Variants in NAALADL2 observed in about 807,000 individuals in gnomAD.
NAALADL2 encodes the protein inactive N-acetylated-alpha-linked acidic dipeptidase-like protein 2.
Under a neutral mutation model 87.2 loss-of-function variants are expected in NAALADL2, and 76 were observed. The ratio of observed to expected loss-of-function variants is 0.87; its 90% CI spans 0.72 to 1.05. The LOEUF is 1.05. Ranked by LOEUF, NAALADL2 falls within the 50% of genes least tolerant of loss-of-function variation. NAALADL2 has a pLI of 0.00. For synonymous variants in NAALADL2, 354 were observed against 331.0 expected (o/e 1.07, Z -0.75); for missense variants, 1,089 against 945.8 (o/e 1.15, Z -1.99).
At chr3:175,439,243 G>A (rs1351644154) in intron 5 of NAALADL2, among the ~76,000 whole-genome samples, 1 of 152,016 alleles carries the variant, frequency 6.6e-6, no homozygotes, top group African/African-American at 2.4e-5. Flanking sequence ...CTCATTGATT[G>A]ATGGGCATTT....
intron 1 of NAALADL2, among the ~76,000 whole-genome samples, chr3:174,974,755 G>A (rs925665470): frequency 2.6e-5 from 4 of 151,946 alleles, no homozygotes; most frequent in African/African-American, 7.3e-5. Context: ...GGCTTTCCTC[G>A]GTCATTGCAG....
chr3:174,883,593 A>T (rs1729697659), intron 1 of NAALADL2, among the ~76,000 whole-genome samples: 1 of 152,228 alleles, frequency 6.6e-6, no homozygotes, highest in Non-Finnish European at 1.5e-5. Context: ...GTACAAGTGT[A>T]TACATGCACA....
intron 1 of NAALADL2, among the ~76,000 whole-genome samples, chr3:175,063,029 T>C (rs536219777): frequency 6.6e-6 from 1 of 152,308 alleles, no homozygotes; most frequent in African/African-American, 2.4e-5. Flanking sequence ...CTTAACATAT[T>C]TTTTTCTACA....
intron 1 of NAALADL2, among the ~76,000 whole-genome samples, chr3:174,944,412 G>C (rs909931510): frequency 1.3e-5 from 2 of 152,132 alleles, no homozygotes; most frequent in African/African-American, 4.8e-5. Flanking sequence ...AGCCCAAATA[G>C]CAAAGATGTT....
chr3:174,797,243 C>A lies in NAALADL2; in HGVS notation c.-9+59497C>A, dbSNP rs1202927033. Among the ~76,000 whole-genome samples the A allele has an allele frequency of 2.6e-5, 4 of 151,506 alleles. No individual in the cohort carries two copies. In the East Asian group the frequency reaches 7.7e-4, roughly 29 times the overall value. On this transcript the variant is annotated intron_variant, in intron 3 of 3. Coordinates refer to the NAALADL2 transcript ENST00000434257. ...TTTCCCCAGGCGGCTTCATCAAAGACCAGTAGGCTCTAAGTATGTGACTTT... is the reference window on the plus strand; with the variant it reads ...TTTCCCCAGGCGGCTTCATCAAAGAACAGTAGGCTCTAAGTATGTGACTTT...
chr3:175,755,359 C>G lies in NAALADL2; in HGVS notation c.2130C>G (p.Asp710Glu). The G allele has an allele frequency of 6.2e-7, 1 of 1,612,148 alleles. No individual in the cohort carries two copies. Among genetic ancestry groups the G allele is most frequent in the Non-Finnish European group, 8.5e-7 (1 of 1,179,032 alleles). The change falls in exon 13 of 14, where the codon GAC becomes GAG. Residue 710 changes from aspartate (D) to glutamate (E), a missense_variant. Asp to Glu is a conservative substitution (Grantham distance 45). Transcript: ENST00000454872. Reference protein sequence around the residue: ...RAPIRIRMLNDILQDMEKSFL... With the variant: ...RAPIRIRMLNEILQDMEKSFL... ...CCATCCGCATCCGGATGCTGAATGA[C>G]ATTCTCCAAGACATGGAGAAAAGCT... is the stretch of plus-strand genomic sequence containing the variant.
Position 174,880,665 on chromosome 3 carries a change from G to T in NAALADL2, c.43+21215G>T, listed in dbSNP as rs116233091. Among the ~76,000 whole-genome samples the T allele has an allele frequency of 5.2e-3, 787 of 152,022 alleles. 6 individuals carry two copies. Among genetic ancestry groups the T allele is most frequent in the African/African-American group, 0.018 (731 of 41,484 alleles). ...CTCCGCCTAGATTATCCTTCTCATA[G>T]GTCTGCTTTTGGCTTTACTCCTTCA... On this transcript the variant is annotated intron_variant, in intron 1 of 13. Coordinates refer to ENST00000454872, the MANE Select transcript of NAALADL2 (RefSeq NM_207015.3).
chr3:174,734,227 A>G (rs952207515), intron 2 of NAALADL2, among the ~76,000 whole-genome samples: 17 of 152,254 alleles, frequency 1.1e-4, no homozygotes, highest in Non-Finnish European at 1.3e-4. Flanking sequence ...CTCATTCCAT[A>G]TTTCTTTTAT....
At chr3:174,947,958 T>A (rs185986905) in intron 1 of NAALADL2, among the ~76,000 whole-genome samples, 1 of 152,222 alleles carries the variant, frequency 6.6e-6, no homozygotes, top group Admixed American at 6.5e-5. Context: ...TAGATGTAAA[T>A]ATAGTTATGA....
intron 2 of NAALADL2, among the ~76,000 whole-genome samples, chr3:174,694,773 T>C (rs1460046095): frequency 6.6e-6 from 1 of 152,046 alleles, no homozygotes; most frequent in African/African-American, 2.4e-5. Flanking sequence ...GTATTTTTAG[T>C]GTGTTTTTAT....
chr3:175,276,367 T>G (rs1753593892), intron 4 of NAALADL2, among the ~76,000 whole-genome samples: 1 of 150,652 alleles, frequency 6.6e-6, no homozygotes, highest in Non-Finnish European at 1.5e-5. Flanking sequence ...CAGCGTGATC[T>G]CAGCTCACTG....
At chr3:174,513,316 C>T (rs1719729786) in intron 1 of NAALADL2, among the ~76,000 whole-genome samples, 1 of 152,130 alleles carries the variant, frequency 6.6e-6, no homozygotes, top group South Asian at 2.1e-4. Flanking sequence ...TATATATCTC[C>T]ATCTAGATAA....
intron 4 of NAALADL2, among the ~76,000 whole-genome samples, chr3:175,292,197 A>G (rs1755720554): frequency 6.6e-6 from 1 of 152,190 alleles, no homozygotes; most frequent in South Asian, 2.1e-4. Flanking sequence ...ACAGTTTGCC[A>G]CCAGCACAAA....
At chr3:175,275,930 C>CTTA (rs922734165) in intron 4 of NAALADL2, among the ~76,000 whole-genome samples, 1 of 151,066 alleles carries the variant, frequency 6.6e-6, no homozygotes, top group African/African-American at 2.4e-5. Context: ...TGACCGTAAC[C>CTTA]TTATTAACCA....
chr3:175,679,277 TAA>T (rs77297220), intron 11 of NAALADL2, among the ~76,000 whole-genome samples: 6,419 of 132,000 alleles, frequency 0.049, 505 homozygotes, highest in African/African-American at 0.16. Context: ...AAAGTATAGT[TAA>T]AAAAAAAAAA....
intron 2 of NAALADL2, among the ~76,000 whole-genome samples, chr3:174,610,404 G>A (rs1324637593): frequency 8.6e-5 from 13 of 150,820 alleles, no homozygotes; most frequent in African/African-American, 1.7e-4. Flanking sequence ...GAAAATTTTC[G>A]CAACCTACTC....
chr3:174,909,103 T>C (rs79226819), intron 1 of NAALADL2, among the ~76,000 whole-genome samples: 1 of 152,058 alleles, frequency 6.6e-6, no homozygotes, highest in Non-Finnish European at 1.5e-5. Flanking sequence ...TAGCTAAATT[T>C]ATAGGCTAGG....
At chr3:175,626,381 A>T (rs766634430) in intron 10 of NAALADL2, among the ~76,000 whole-genome samples, 41 of 151,758 alleles carry the variant, frequency 2.7e-4, no homozygotes, top group Non-Finnish European at 4.4e-4. Context: ...CTTTTTGTTG[A>T]TTCTTTAACT....
At chr3:174,671,024 G>A (rs1726479312) in intron 2 of NAALADL2, among the ~76,000 whole-genome samples, 1 of 152,056 alleles carries the variant, frequency 6.6e-6, no homozygotes, top group African/African-American at 2.4e-5. Flanking sequence ...CGTGTAAAAT[G>A]TGGCTGCTTC....
Sources: gnomAD v4.1 joint callset for allele counts (sites outside exome capture counted in the v4.1 genomes callset) on GRCh38, gnomAD v4.1.1 for gene constraint, MANE v1.5 for transcripts, NCBI Gene and HGNC (gene_info 2026-07-23, HGNC 2026-07-21) for gene names.